NLRC5: variants seen among roughly 807,000 people sequenced by gnomAD.
NLRC5 encodes the protein protein NLRC5.
A neutral mutation model predicts 206.9 loss-of-function variants in NLRC5; 114 were observed. The ratio of observed to expected loss-of-function variants is 0.55; its 90% CI spans 0.47 to 0.64. The LOEUF is 0.64. Among genes scored for constraint, NLRC5 ranks in the 30% least tolerant of loss-of-function variants. NLRC5 has a pLI of 0.00. For missense variants in NLRC5, 2,008 were observed against 2,305.5 expected (o/e 0.87, Z 2.64); for synonymous variants, 952 against 962.8 (o/e 0.99, Z 0.21).
chr16:57,062,251 G>A, intron 32 of NLRC5: 1 of 428,074 alleles, frequency 2.3e-6, no homozygotes, highest in Non-Finnish European at 4.5e-6. Context: ...ATTTTTTTCA[G>A]TAATCACAGT....
chr16:57,047,713 G>T, intron 23 of NLRC5, 85 bp downstream of exon 23: 1 of 1,151,960 alleles, frequency 8.7e-7, no homozygotes, highest in South Asian at 1.3e-5. Flanking sequence ...TTAGAAGACA[G>T]GTGAGTCTTT....
intron 46 of NLRC5, 73 bp downstream of exon 46, chr16:57,079,702 G>A (rs1239381124): frequency 1.2e-5 from 16 of 1,288,186 alleles, no homozygotes; most frequent in Middle Eastern, 3.7e-4. Flanking sequence ...GTTGGCTCCA[G>A]CCTGCTGTGT....
At chr16:57,036,973 G>A (rs1301653831) in intron 14 of NLRC5, among the ~76,000 whole-genome samples, 1 of 152,122 alleles carries the variant, frequency 6.6e-6, no homozygotes, top group African/African-American at 2.4e-5. Flanking sequence ...CTGAGTTCTT[G>A]CTGTCAAGCT....
At position 57,068,784 on chromosome 16, in the gene NLRC5, C is replaced by T. The variant is rs142855590; in HGVS notation, c.4499+956C>T. 3.0e-4 allele frequency among the ~76,000 whole-genome samples: 45 copies of T among 152,354 alleles called. 1 individual carries two copies. The East Asian group carries it at 8.3e-3, about 28-fold the overall frequency. ...CCCAGTTGTGGATCCAATCCAGGAT[C>T]ACACGTCTCATTTAGTGTCATCTCT... On this transcript the variant is annotated intron_variant, in intron 36 of 48. Transcript: ENST00000688547.
intron 45 of NLRC5, 120 bp downstream of exon 45, chr16:57,079,412 G>T (rs1277690171): frequency 1.4e-6 from 2 of 1,381,748 alleles, no homozygotes; most frequent in Non-Finnish European, 1.0e-6. Flanking sequence ...GATGGTGGGG[G>T]CCTGGCTCAA....
intron 26 of NLRC5, 55 bp from the exon 27 acceptor site, chr16:57,055,378 G>A: frequency 6.5e-7 from 1 of 1,536,972 alleles, no homozygotes. Context: ...AGGCCGGAGG[G>A]GGTCTCAGTG....
At chr16:57,045,309 G>T in intron 20 of NLRC5, 139 bp from the exon 21 acceptor site, 1 of 682,854 alleles carries the variant, frequency 1.5e-6, no homozygotes, top group Non-Finnish European at 2.7e-6. Flanking sequence ...ACATGTAATT[G>T]TTGCTTAATC....
chr16:57,062,523 G>A, intron 32 of NLRC5: 1 of 196,806 alleles, frequency 5.1e-6, no homozygotes, highest in Non-Finnish European at 1.1e-5. Flanking sequence ...TGTGTGTACT[G>A]CAGACTGTCC....
At chr16:57,059,631 C>T in intron 30 of NLRC5, 99 bp downstream of exon 30, 2 of 1,145,094 alleles carry the variant, frequency 1.7e-6, no homozygotes. Context: ...CCCTCTCCTC[C>T]TTTAGAGAGC....
intron 32 of NLRC5, chr16:57,062,373 T>TCCAGGATC (rs1296237388): frequency 3.0e-6 from 1 of 330,904 alleles, no homozygotes; most frequent in Admixed American, 4.6e-5. Flanking sequence ...GCTTTTGGGA[T>TCCAGGATC]CCAGGATCTG....
chr16:57,081,356 C>G lies in NLRC5; in HGVS notation c.5406-171C>G, dbSNP rs140040485. 116 of 893,510 alleles carry G rather than the reference C, an allele frequency of 1.3e-4. No individual in the cohort carries two copies. The Middle Eastern group carries it at 2.4e-3, about 19-fold the overall frequency. The allele number at this position is 893,510 out of a possible 1,614,324, so 55.3% of individuals were successfully genotyped here. On this transcript the variant is annotated intron_variant, in intron 47 of 48. Coordinates refer to ENST00000688547, the MANE Select transcript of NLRC5 (RefSeq NM_001384950.1). ...GTTCCCCCTGGGTTCTAGCCTTCAG[C>G]CTTCCTGCTGCACCTGCCACCAGTC...
intron 1 of NLRC5, among the ~76,000 whole-genome samples, chr16:57,001,194 C>T (rs1473481940): frequency 1.3e-5 from 2 of 152,194 alleles, no homozygotes; most frequent in Non-Finnish European, 2.9e-5. Flanking sequence ...CCCCAGGGTC[C>T]CCAGGCCCTG....
At chr16:57,058,173 C>A in intron 28 of NLRC5, 25 bp downstream of exon 28, 1 of 1,586,994 alleles carries the variant, frequency 6.3e-7, no homozygotes, top group Non-Finnish European at 8.6e-7. Context: ...GCATAAAGGA[C>A]AGATAGCAAG....
At chr16:57,078,529 T>C (rs1014357875) in intron 43 of NLRC5, among the ~76,000 whole-genome samples, 17 of 145,474 alleles carry the variant, frequency 1.2e-4, no homozygotes, top group Non-Finnish European at 3.0e-5. Context: ...TGGAGTGCAG[T>C]GGTGCAACCT....
intron 46 of NLRC5, 147 bp from the exon 47 acceptor site, chr16:57,080,951 G>A: frequency 1.6e-6 from 1 of 632,038 alleles, no homozygotes; most frequent in Non-Finnish European, 2.8e-6. Context: ...GTCTTCAGGG[G>A]AGGACACACA....
intron 39 of NLRC5, among the ~76,000 whole-genome samples, chr16:57,075,444 G>A (rs1201732429): frequency 6.6e-6 from 1 of 152,080 alleles, no homozygotes; most frequent in Non-Finnish European, 1.5e-5. Flanking sequence ...GGTCTTGAAC[G>A]TCCAACCTCA....
In NLRC5 at chr16:57,051,628, C is replaced by T. The variant is rs199475995; in HGVS notation, c.3506+7C>T. ...CTCAGCTGAGCCTGCTGCAGTAAGACGAGAGTTTTTCCTATTTCCCGGTTC... is the reference window on the plus strand; with the variant it reads ...CTCAGCTGAGCCTGCTGCAGTAAGATGAGAGTTTTTCCTATTTCCCGGTTC... On this transcript the variant is annotated splice_region_variant and intron_variant, in intron 24 of 48. Coordinates refer to ENST00000688547, the MANE Select transcript of NLRC5 (RefSeq NM_001384950.1). 312 of 1,610,682 alleles carry T rather than the reference C, an allele frequency of 1.9e-4. 2 individuals carry two copies. The African/African-American group carries it at 3.2e-3, about 17-fold the overall frequency.
rs750324138 is a variant in NLRC5, at chr16:57,034,217, C to T, written c.2593C>T (p.Leu865=). 6.2e-7 allele frequency: 1 copy of T among 1,614,060 alleles called. No individual in the cohort carries two copies. The highest frequency in any genetic ancestry group is 8.5e-7 in the Non-Finnish European group (1 of 1,179,962). ...QVHDAEALIA[L]LQEGPHLEEV... is the part of the protein sequence containing the mutation. ...CCACGATGCGGAGGCCCTCATAGCC[C>T]TGCTCCAGGAAGGCCCTCACCTGGA... is the stretch of plus-strand genomic sequence containing the variant. Residue 865 remains leucine, a synonymous_variant, in exon 13 of 49, where the codon CTG becomes TTG. Coordinates refer to ENST00000688547, the MANE Select transcript of NLRC5 (RefSeq NM_001384950.1).
intron 1 of NLRC5, among the ~76,000 whole-genome samples, chr16:57,007,568 CA>C (rs555831915): frequency 1.0e-3 from 147 of 141,806 alleles, no homozygotes; most frequent in Admixed American, 9.1e-4. Flanking sequence ...ATTAAAAATA[CA>C]AAAAAAAAAA....
Sources: gnomAD v4.1 joint callset for allele counts (sites outside exome capture counted in the v4.1 genomes callset) on GRCh38, gnomAD v4.1.1 for gene constraint, MANE v1.5 for transcripts, NCBI Gene and HGNC (gene_info 2026-07-23, HGNC 2026-07-21) for gene names.